RPS25: variants seen among roughly 807,000 people sequenced by gnomAD.
RPS25 encodes the protein small ribosomal subunit protein eS25.
Under a neutral mutation model 14.4 loss-of-function variants are expected in RPS25, and 1 was observed. That is an observed-to-expected ratio of 0.07 (90% confidence interval 0.02 to 0.33). RPS25 has a LOEUF of 0.33. Among genes scored for constraint, RPS25 ranks in the 10% least tolerant of loss-of-function variants. The probability of loss-of-function intolerance (pLI) is 1.00; values close to 1 mark genes in which losing one functional copy is unlikely to be tolerated. For synonymous variants in RPS25, 63 were observed against 53.8 expected, an observed-to-expected ratio of 1.17 and a Z score of -0.75; for missense variants, 65 against 144.6, an observed-to-expected ratio of 0.45 and a Z score of 2.82.
chr11:119,016,018 T>G, intron 3 of RPS25, 79 bp from the exon 4 acceptor site: 2 of 862,800 alleles, frequency 2.3e-6, no homozygotes, highest in Non-Finnish European at 3.9e-6. Context: ...CTGGGCGCGG[T>G]GGCTCATGCT....
At chr11:119,017,912 A>G in intron 2 of RPS25, 46 bp downstream of exon 2, 1 of 1,457,802 alleles carries the variant, frequency 6.9e-7, no homozygotes, top group Non-Finnish European at 9.6e-7. Flanking sequence ...CTAGAGGATT[A>G]CGAGAGAGTT....
At chr11:119,016,971 G>A (rs903738693) in intron 3 of RPS25, among the ~76,000 whole-genome samples, 2 of 152,146 alleles carry the variant, frequency 1.3e-5, no homozygotes, top group African/African-American at 2.4e-5. Flanking sequence ...CTACTGAGTA[G>A]ACCGTACTAA....
chr11:119,017,165 G>A (rs1353483846), intron 3 of RPS25, among the ~76,000 whole-genome samples, 197 bp downstream of exon 3: 2 of 152,068 alleles, frequency 1.3e-5, no homozygotes, highest in Non-Finnish European at 1.5e-5. Context: ...CAGGGTCCAC[G>A]GCACAAAAGT....
rs962634201 is a variant in RPS25, at chr11:119,015,881, C to T, written c.342G>A (p.Lys114=). The part of the protein sequence containing the change: ...RAQVIYTRNT[K]GGDAPAAGED... ...CACCAGCAGCTGGAGCATCTCCACC[C>T]TTGGTATTTCTGGTGTAAATTACTT... Residue 114 remains lysine (K), a synonymous_variant, in exon 4 of 5, where the codon AAG becomes AAA. Coordinates refer to ENST00000527673, the MANE Select transcript of RPS25 (RefSeq NM_001028.3). The T allele has an allele frequency of 7.4e-6, 12 of 1,612,230 alleles. No individual in the cohort carries two copies. In the Admixed American group the frequency reaches 1.5e-4, roughly 20 times the overall value.
chr11:119,018,051 C>A lies in RPS25; in HGVS notation c.6G>T (p.Pro2=). The A allele has an allele frequency of 1.2e-6, 2 of 1,612,272 alleles. No homozygotes were observed. The highest frequency in any genetic ancestry group is 1.7e-6 in the Non-Finnish European group (2 of 1,179,986). The change falls in exon 2 of 5, where the codon CCG becomes CCT. Residue 2 remains proline, a splice_region_variant and synonymous_variant. Coordinates refer to ENST00000527673, the MANE Select transcript of RPS25 (RefSeq NM_001028.3). ...CCTTCTTCTTCTTGTCGTCCTTAGG[C>A]GGCTGTAGGAGGGCAGCGGGAATGC... M[P]PKDDKKKKDA...
intron 4 of RPS25, 37 bp from the exon 5 acceptor site, chr11:119,015,795 C>T: frequency 1.4e-6 from 2 of 1,380,376 alleles, no homozygotes; most frequent in South Asian, 2.3e-5. Flanking sequence ...AACCATAAAG[C>T]TTTGTATCTA....
chr11:119,016,971 G>C (rs903738693), intron 3 of RPS25, among the ~76,000 whole-genome samples: 1 of 152,146 alleles, frequency 6.6e-6, no homozygotes, highest in Admixed American at 6.5e-5. Flanking sequence ...CTACTGAGTA[G>C]ACCGTACTAA....
intron 2 of RPS25, 21 bp from the exon 3 acceptor site, chr11:119,017,566 G>C: frequency 6.2e-7 from 1 of 1,605,238 alleles, no homozygotes; most frequent in Non-Finnish European, 8.5e-7. Context: ...AAACAAAACA[G>C]AAACAAGTTA....
chr11:119,017,940 G>A lies in RPS25; in HGVS notation c.99+18C>T, dbSNP rs781916407. The A allele has an allele frequency of 2.6e-5, 41 of 1,594,268 alleles. No individual in the cohort carries two copies. The highest frequency in any genetic ancestry group is 1.3e-4 in the Admixed American group (8 of 59,970). On this transcript the variant is annotated intron_variant, in intron 2 of 4. Transcript: ENST00000527673. Reference sequence around the variant, plus strand: ...AGAGAGTTACCCCTAGTCTCTTTCAGAGAGGTCTTATTTCTACCTTCTTTT... The same window carrying A: ...AGAGAGTTACCCCTAGTCTCTTTCAAAGAGGTCTTATTTCTACCTTCTTTT...
Position 119,017,880 on chromosome 11 carries a change from T to C in RPS25, c.99+78A>G, listed in dbSNP as rs2134592115. ...TAGAAATCTACACCTGAAAAACCAC[T>C]TACTATACAAGTTACCTATTACTAG... On this transcript the variant is annotated intron_variant, in intron 2 of 4. Transcript: ENST00000527673. The C allele has an allele frequency of 2.7e-5, 31 of 1,151,480 alleles. No homozygotes were observed. In the South Asian group the frequency reaches 3.7e-4, roughly 14 times the overall value. The allele number at this position is 1,151,480 out of a possible 1,614,324, so 71.3% of individuals were successfully genotyped here.
chr11:119,016,974 C>G (rs141055074), intron 3 of RPS25, among the ~76,000 whole-genome samples: 1 of 152,092 alleles, frequency 6.6e-6, no homozygotes, highest in East Asian at 1.9e-4. Flanking sequence ...CTGAGTAGAC[C>G]GTACTAAATT....
chr11:119,016,891 G>A (rs1485864046), intron 3 of RPS25, among the ~76,000 whole-genome samples: 1 of 152,170 alleles, frequency 6.6e-6, no homozygotes, highest in East Asian at 1.9e-4. Context: ...CAAAGTGCTA[G>A]AATTATAGAC....
rs1032535558 is a variant in RPS25, at chr11:119,018,156, G to A, written c.4-103C>T. ...CAAACTCCACCACCAGAGCACATGG[G>A]CCAAGCAATAACCGCGCCCGCCCTG... On this transcript the variant is annotated intron_variant, in intron 1 of 4. Coordinates refer to ENST00000527673, the MANE Select transcript of RPS25 (RefSeq NM_001028.3). The A allele has an allele frequency of 1.3e-4, 202 of 1,565,218 alleles. 4 individuals carry two copies. In the Middle Eastern group the frequency reaches 7.2e-3, roughly 56 times the overall value.
intron 3 of RPS25, 73 bp from the exon 4 acceptor site, chr11:119,016,012 G>T: frequency 2.1e-6 from 2 of 934,752 alleles, no homozygotes; most frequent in Non-Finnish European, 3.5e-6. Context: ...TTTTGGCTGG[G>T]CGCGGTGGCT....
chr11:119,017,779 A>G (rs962557847), intron 2 of RPS25, 179 bp downstream of exon 2: 1 of 668,564 alleles, frequency 1.5e-6, no homozygotes, highest in Non-Finnish European at 2.6e-6. Context: ...CACTTCGCAC[A>G]ACAGACCCAT....
chr11:119,015,993 T>A, intron 3 of RPS25, 54 bp from the exon 4 acceptor site: 2 of 1,169,814 alleles, frequency 1.7e-6, no homozygotes, highest in Non-Finnish European at 2.6e-6. Flanking sequence ...CAATAGAAAC[T>A]AGTAAGGTTT....
chr11:119,016,411 G>A (rs1300339661), intron 3 of RPS25, among the ~76,000 whole-genome samples: 1 of 151,950 alleles, frequency 6.6e-6, no homozygotes, highest in Non-Finnish European at 1.5e-5. Context: ...TAAAGAAAAG[G>A]AAAACAAAAA....
chr11:119,016,440 G>A (rs369407946), intron 3 of RPS25, among the ~76,000 whole-genome samples: 5 of 152,052 alleles, frequency 3.3e-5, no homozygotes, highest in Non-Finnish European at 5.9e-5. Context: ...TCTCTCAGAG[G>A]TGCCCAGAAT....
chr11:119,017,950 A>G lies in RPS25; in HGVS notation c.99+8T>C. On this transcript the variant is annotated splice_region_variant and intron_variant, in intron 2 of 4. Transcript: ENST00000527673. ...CCCTAGTCTCTTTCAGAGAGGTCTT[A>G]TTTCTACCTTCTTTTTGGCCTTGCC... is the stretch of plus-strand genomic sequence containing the variant. The G allele has an allele frequency of 1.2e-6, 2 of 1,608,856 alleles. No individual in the cohort carries two copies. Among genetic ancestry groups the G allele is most frequent in the Non-Finnish European group, 1.7e-6 (2 of 1,176,314 alleles).
Sources: allele counts gnomAD v4.1 joint callset (sites outside exome capture counted in the v4.1 genomes callset), GRCh38; gene constraint gnomAD v4.1.1; transcripts MANE v1.5; gene names NCBI Gene and HGNC (gene_info 2026-07-23, HGNC 2026-07-21).